UGT2B17: variants seen among roughly 807,000 people sequenced by gnomAD.
The protein encoded by UGT2B17 is UDP-glucuronosyltransferase 2B17.
Under a neutral mutation model 48.2 loss-of-function variants are expected in UGT2B17, and 21 were observed. The ratio of observed to expected loss-of-function variants is 0.44; its 90% confidence interval spans 0.31 to 0.63. UGT2B17 has a LOEUF of 0.63. UGT2B17 is among the 20% of genes least tolerant of loss of function. The pLI is 0.08. For missense variants in UGT2B17, 402 were observed against 696.1 expected, an observed-to-expected ratio of 0.58 and a Z score of 4.75; for synonymous variants, 146 against 238.4, an observed-to-expected ratio of 0.61 and a Z score of 3.57.
At chr4:68,560,905 A>T (rs1277883144) in intron 3 of UGT2B17, among the ~76,000 whole-genome samples, 1 of 123,700 alleles carries the variant, frequency 8.1e-6, no homozygotes, top group Non-Finnish European at 1.7e-5. Flanking sequence ...TGTGTAAGGA[A>T]GAAATGAAAC....
At chr4:68,550,592 TC>T in intron 6 of UGT2B17, 84 bp downstream of exon 6, 1 of 1,020,030 alleles carries the variant, frequency 9.8e-7, no homozygotes. Flanking sequence ...TCAAAATTAG[TC>T]TCTTAACAAA....
At chr4:68,549,836 A>T (rs1370122628) in intron 6 of UGT2B17, among the ~76,000 whole-genome samples, 3 of 126,178 alleles carry the variant, frequency 2.4e-5, no homozygotes, top group Non-Finnish European at 3.4e-5. Flanking sequence ...CACAGAAAAT[A>T]TGTATAACAA....
intron 2 of UGT2B17, among the ~76,000 whole-genome samples, chr4:68,566,657 G>A (rs1375016017): frequency 2.6e-4 from 25 of 96,466 alleles, no homozygotes; most frequent in African/African-American, 8.9e-4. Flanking sequence ...TCCCAGTCAT[G>A]TAGAACTGAG....
chr4:68,565,277 C>G (rs1249029527), intron 3 of UGT2B17, among the ~76,000 whole-genome samples: 1 of 126,160 alleles, frequency 7.9e-6, no homozygotes, highest in Non-Finnish European at 1.7e-5. Flanking sequence ...TTGCATTAAT[C>G]ACTCTACAAA....
chr4:68,537,526 TG>T lies in UGT2B17; in HGVS notation c.*98del, dbSNP rs1730574533. 9.2e-7 allele frequency: 1 copy of T among 1,085,834 alleles called. No individual in the cohort carries two copies. The highest frequency in any genetic ancestry group is 1.2e-6 in the Non-Finnish European group (1 of 844,634). The allele number at this position is 1,085,834 out of a possible 1,614,324, so 67.3% of individuals were successfully genotyped here. On this transcript the variant is annotated 3_prime_UTR_variant, in exon 7 of 7. Transcript: ENST00000317746. The stretch of plus-strand genomic sequence containing the variant: ...CAGGGTAAGTTGTGAAAAGACGTTT[TG>T]TCGCAGGAAAAAGGAAATCCTCCAT...
chr4:68,557,670 G>A (rs1731027231), intron 4 of UGT2B17, among the ~76,000 whole-genome samples: 1 of 127,136 alleles, frequency 7.9e-6, no homozygotes, highest in Non-Finnish European at 1.7e-5. Context: ...CTATTTGTGA[G>A]TATTTTTTAC....
At chr4:68,550,139 A>G (rs1202347220) in intron 6 of UGT2B17, among the ~76,000 whole-genome samples, 3 of 125,262 alleles carry the variant, frequency 2.4e-5, no homozygotes, top group Non-Finnish European at 1.7e-5. Context: ...GAGTGACTTC[A>G]TGCATTTTGA....
chr4:68,546,727 G>A (rs1405591452), intron 6 of UGT2B17, among the ~76,000 whole-genome samples: 1 of 125,806 alleles, frequency 7.9e-6, no homozygotes. Flanking sequence ...CTTCAGCAAA[G>A]TCTCAGGATA....
rs758457306 is a variant in UGT2B17, at chr4:68,537,661, C to T, written c.1557G>A (p.Lys519=). 7.3e-7 allele frequency: 1 copy of T among 1,374,700 alleles called. No individual in the cohort carries two copies. Among genetic ancestry groups the T allele is most frequent in the Non-Finnish European group, 9.5e-7 (1 of 1,052,078 alleles). 85.2% of individuals were successfully genotyped at this position (1,374,700 alleles called of 1,614,324 possible). A position where few individuals can be genotyped will look rare whatever the true frequency, so the allele number is the denominator to read the frequency against. The change falls in exon 7 of 7, where the codon AAG becomes AAA. Residue 519 remains lysine (K), a synonymous_variant. Transcript: ENST00000317746. ...TCTTCTTCTTTCCTGTTTTGGCAAG[C>T]TTTCGGAAACAAAACAGGCAACATT... is the stretch of plus-strand genomic sequence containing the variant. The part of the protein sequence containing the change: ...ITKCCLFCFR[K]LAKTGKKKKR...
Position 68,569,528 on chromosome 4 carries a change from C to G in UGT2B17, c.-64-980G>C, listed in dbSNP as rs1160402615. On this transcript the variant is annotated intron_variant, in intron 1 of 6. Transcript: ENST00000317746. The stretch of plus-strand genomic sequence containing the variant: ...CCACAGTGATCCTTTAGGAGGGTGG[C>G]CAGCGGAGCAGGGGGTTCAAAGATT... Among the ~76,000 whole-genome samples the G allele has an allele frequency of 2.4e-5, 3 of 125,318 alleles. 1 individual carries two copies. The highest frequency in any genetic ancestry group is 5.1e-5 in the Non-Finnish European group (3 of 59,240). The allele number at this position is 125,318 out of a possible 152,430, so 82.2% of individuals were successfully genotyped here. A position where few individuals can be genotyped will look rare whatever the true frequency, so the allele number is the denominator to read the frequency against.
In UGT2B17 at chr4:68,557,783, A is replaced by T. The variant is rs371010990; in HGVS notation, c.1005+2754T>A. Among the ~76,000 whole-genome samples, 10 of 124,728 alleles carry T rather than the reference A, an allele frequency of 8.0e-5. 1 individual carries two copies. The highest frequency in any genetic ancestry group is 1.9e-4 in the African/African-American group (7 of 36,842). 81.8% of individuals were successfully genotyped at this position (124,728 alleles called of 152,430 possible). A position where few individuals can be genotyped will look rare whatever the true frequency, so the allele number is the denominator to read the frequency against. On this transcript the variant is annotated intron_variant, in intron 4 of 6. Coordinates refer to ENST00000317746, the MANE Select transcript of UGT2B17 (RefSeq NM_001077.4). The stretch of plus-strand genomic sequence containing the variant: ...GTTATTTTATCAAGGCTTCCACTGG[A>T]ATGGTGGGCTTTCCTTTAGGGAATC...
At chr4:68,572,151 A>G (rs1249514950) in intron 1 of UGT2B17, among the ~76,000 whole-genome samples, 1 of 125,860 alleles carries the variant, frequency 7.9e-6, no homozygotes, top group Non-Finnish European at 1.7e-5. Context: ...TTTTTGACAG[A>G]TATACTTATT....
chr4:68,537,428 T>C lies in UGT2B17; in HGVS notation c.*197A>G. On this transcript the variant is annotated 3_prime_UTR_variant, in exon 7 of 7. Transcript: ENST00000317746. ...GTTTTATATTATTATTTTTCATAGC[T>C]TAAAAATCATTGACATAGAATAATT... 1 of 431,824 alleles carries C rather than the reference T, an allele frequency of 2.3e-6. No individual in the cohort carries two copies. Among genetic ancestry groups the C allele is most frequent in the Non-Finnish European group, 3.4e-6 (1 of 297,062 alleles). 26.7% of individuals were successfully genotyped at this position (431,824 alleles called of 1,614,324 possible).
chr4:68,552,296 C>T lies in UGT2B17; in HGVS notation c.1006-385G>A, dbSNP rs11947105. On this transcript the variant is annotated intron_variant, in intron 4 of 6. Transcript: ENST00000317746. ...ACTGAGATAAATGCATATCTAATTG[C>T]CTCATTTGGAGAGGCTAATCAGAAA... Among the ~76,000 whole-genome samples, 35 of 125,790 alleles carry T rather than the reference C, an allele frequency of 2.8e-4. 5 individuals are homozygous for T. Among genetic ancestry groups the T allele is most frequent in the Admixed American group, 6.5e-4 (8 of 12,302 alleles). 82.5% of individuals were successfully genotyped at this position (125,790 alleles called of 152,430 possible).
chr4:68,555,721 A>C (rs1290414824), intron 4 of UGT2B17, among the ~76,000 whole-genome samples: 1 of 124,856 alleles, frequency 8.0e-6, no homozygotes, highest in Non-Finnish European at 1.7e-5. Flanking sequence ...GGTTATATTA[A>C]ATTAAATAAT....
In UGT2B17 at chr4:68,569,864, T is replaced by C. The variant is rs1235375509; in HGVS notation, c.-64-1316A>G. ...CAGCCCACCTGCACCCAGGCACTCA[T>C]TAAAACAGCACGCTGCTCCGCACTG... On this transcript the variant is annotated intron_variant, in intron 1 of 6. Transcript: ENST00000317746. Among the ~76,000 whole-genome samples the C allele has an allele frequency of 2.4e-5, 3 of 126,404 alleles. 1 individual carries two copies. Among genetic ancestry groups the C allele is most frequent in the Non-Finnish European group, 5.0e-5 (3 of 59,560 alleles). The allele number at this position is 126,404 out of a possible 152,430, so 82.9% of individuals were successfully genotyped here.
At chr4:68,551,775 C>T (rs1730917983) in intron 5 of UGT2B17, 49 bp downstream of exon 5, 1 of 1,112,414 alleles carries the variant, frequency 9.0e-7, no homozygotes, top group Non-Finnish European at 1.2e-6. Context: ...ATTATCACTT[C>T]TAATTGGCTG....
At chr4:68,550,570 A>C in intron 6 of UGT2B17, 107 bp downstream of exon 6, 1 of 865,162 alleles carries the variant, frequency 1.2e-6, no homozygotes, top group Non-Finnish European at 1.6e-6. Flanking sequence ...TGGTTAAATC[A>C]CTTCAATCCC....
Position 68,540,544 on chromosome 4 carries a change from C to G in UGT2B17, c.1314-2640G>C, listed in dbSNP as rs191709057. ...TCACTATGTTGGCCAGGAGTATGGT[C>G]TCGATCTCTTGACCTCGTGATCTGC... On this transcript the variant is annotated intron_variant, in intron 6 of 6. Coordinates refer to ENST00000317746, the MANE Select transcript of UGT2B17 (RefSeq NM_001077.4). Among the ~76,000 whole-genome samples, 260 of 126,800 alleles carry G rather than the reference C, an allele frequency of 2.1e-3. 49 individuals are homozygous for G. The highest frequency in any genetic ancestry group is 6.6e-3 in the African/African-American group (245 of 37,204). 83.2% of individuals were successfully genotyped at this position (126,800 alleles called of 152,430 possible).
Sources: allele counts gnomAD v4.1 joint callset (sites outside exome capture counted in the v4.1 genomes callset), GRCh38; gene constraint gnomAD v4.1.1; transcripts MANE v1.5; gene names NCBI Gene and HGNC (gene_info 2026-07-23, HGNC 2026-07-21).